The following ERAP1 variants were observed in gnomAD, a reference collection of about 807,000 sequenced individuals.
ERAP1 encodes the protein endoplasmic reticulum aminopeptidase 1.
Under a neutral mutation model 103.7 loss-of-function variants are expected in ERAP1, and 86 were observed. The ratio of observed to expected loss-of-function variants is 0.83; its 90% confidence interval spans 0.70 to 0.99. The LOEUF is 0.99. ERAP1 is among the 50% of genes least tolerant of loss of function. ERAP1 has a pLI of 0.00. For synonymous variants in ERAP1, 398 were observed against 402.4 expected (o/e 0.99, Z 0.13); for missense variants, 1,009 against 1,128.4 (o/e 0.89, Z 1.52).
chr5:96,765,417 G>A, intron 19 of ERAP1: 2 of 664,566 alleles, frequency 3.0e-6, no homozygotes, highest in South Asian at 1.9e-5. Flanking sequence ...GAATATTGAT[G>A]TGAACTTAAC....
intron 10 of ERAP1, among the ~76,000 whole-genome samples, 190 bp from the exon 11 acceptor site, chr5:96,788,875 G>A (rs905571468): frequency 6.6e-6 from 1 of 152,188 alleles, no homozygotes; most frequent in African/African-American, 2.4e-5. Flanking sequence ...CTGTTTGCTT[G>A]TCATTTTCCT....
chr5:96,808,019 T>C, upstream of ERAP1: 2 of 985,386 alleles, frequency 2.0e-6, no homozygotes, highest in Non-Finnish European at 2.4e-6. Context: ...GGGAAGCCCC[T>C]GGCTAAGGCG....
At chr5:96,770,538 G>T, downstream of ERAP1, 1 of 1,611,840 alleles carries the variant, frequency 6.2e-7, no homozygotes, top group South Asian at 1.1e-5. Flanking sequence ...TAGGATAAGT[G>T]CAAGAAGGCT....
At chr5:96,762,138 A>G in exon 20 of ERAP1, 3 of 462,408 alleles carry the variant, frequency 6.5e-6, no homozygotes, top group Non-Finnish European at 1.2e-5. Context: ...TTTTAAAATT[A>G]TATGTTATTA....
upstream of ERAP1, among the ~76,000 whole-genome samples, chr5:96,812,119 T>G (rs954862658): frequency 6.6e-6 from 1 of 152,268 alleles, no homozygotes; most frequent in Non-Finnish European, 1.5e-5. Context: ...GCTTTGTGTT[T>G]TCTCTTTTGA....
chr5:96,891,349 ATG>A, the ERAP1 span, among the ~76,000 whole-genome samples: 1 of 123,880 alleles, frequency 8.1e-6, no homozygotes, highest in East Asian at 2.4e-4. Context: ...GTATATGTAT[ATG>A]TGTGTGTATA....
chr5:96,769,382 CA>C (rs1771309731), intron 19 of ERAP1: 1 of 146,748 alleles, frequency 6.8e-6, no homozygotes, highest in African/African-American at 2.5e-5. Context: ...ACACTGAAAA[CA>C]GGGTTTTTTT....
intron 18 of ERAP1, chr5:96,776,940 A>G (rs1774413053): frequency 5.1e-6 from 1 of 195,010 alleles, no homozygotes. Flanking sequence ...TGCCAAGCAA[A>G]ACAGTTTCCA....
At chr5:96,883,004 G>A in the ERAP1 span, among the ~76,000 whole-genome samples, 1 of 152,124 alleles carries the variant, frequency 6.6e-6, no homozygotes, top group South Asian at 2.1e-4. Flanking sequence ...CCTGGTGTTG[G>A]GGTAGAGAAG....
the ERAP1 span, chr5:96,896,916 G>C: frequency 6.7e-7 from 1 of 1,485,170 alleles, no homozygotes; most frequent in African/African-American, 1.4e-5. Context: ...GAAAGTAACA[G>C]AATAATTGTG....
chr5:96,833,790 C>T, the ERAP1 span, among the ~76,000 whole-genome samples: 16 of 95,758 alleles, frequency 1.7e-4, no homozygotes, highest in African/African-American at 5.1e-4. Flanking sequence ...GAGCAAGGCT[C>T]GGAAAAAAAA....
the ERAP1 span, among the ~76,000 whole-genome samples, chr5:96,904,335 C>T: frequency 1.3e-5 from 2 of 152,158 alleles, no homozygotes; most frequent in African/African-American, 4.8e-5. Context: ...CAAGCTTTCC[C>T]TATTCTGAGA....
intron 3 of ERAP1, among the ~76,000 whole-genome samples, chr5:96,798,871 C>CTTTTTTTTTTTTT (rs10646647): frequency 1.6e-5 from 2 of 124,878 alleles, no homozygotes; most frequent in Non-Finnish European, 3.3e-5. Flanking sequence ...CAAAAATTTC[C>CTTTTTTTTTTTTT]TTTTTTTTTT....
chr5:96,851,615 C>A, the ERAP1 span, among the ~76,000 whole-genome samples: 2 of 152,170 alleles, frequency 1.3e-5, no homozygotes, highest in Admixed American at 1.3e-4. Flanking sequence ...CATGACACAG[C>A]AAACCCTCAC....
chr5:96,763,234 A>T (rs762931772), intron 19 of ERAP1: 2 of 780,762 alleles, frequency 2.6e-6, no homozygotes, highest in Non-Finnish European at 2.4e-6. Context: ...ATCATCTGAA[A>T]ATATCCAGAG....
the ERAP1 span, chr5:96,879,707 G>T: frequency 6.2e-7 from 1 of 1,614,012 alleles, no homozygotes. Context: ...TTCTGCAATG[G>T]TTAATTCACA....
chr5:96,916,019 G>A, the ERAP1 span, among the ~76,000 whole-genome samples: 2 of 152,046 alleles, frequency 1.3e-5, no homozygotes, highest in Non-Finnish European at 2.9e-5. Context: ...TCAGGAGTTC[G>A]AGACCAGCCT....
At chr5:96,917,774 CAGGTGCCTGT>C in the ERAP1 span, 1 of 417,098 alleles carries the variant, frequency 2.4e-6, no homozygotes, top group Non-Finnish European at 4.3e-6. Flanking sequence ...GGCATGGTGG[CAGGTGCCTGT>C]AGTCCCAGCT....
chr5:96,782,476 A>C (rs1183322525), intron 15 of ERAP1, among the ~76,000 whole-genome samples: 1 of 152,222 alleles, frequency 6.6e-6, no homozygotes, highest in Non-Finnish European at 1.5e-5. Flanking sequence ...AAAGAAATTC[A>C]AACTATATTC....
Sources: gnomAD v4.1 joint callset for allele counts (sites outside exome capture counted in the v4.1 genomes callset) on GRCh38, gnomAD v4.1.1 for gene constraint, MANE v1.5 for transcripts, NCBI Gene and HGNC (gene_info 2026-07-23, HGNC 2026-07-21) for gene names.